Variants in DIP2C observed in about 807,000 individuals in gnomAD.
DIP2C encodes disco-interacting protein 2 homolog C.
Under a neutral mutation model 192.4 loss-of-function variants are expected in DIP2C, and 33 were observed. The ratio of observed to expected loss-of-function variants is 0.17; its 90% confidence interval spans 0.13 to 0.23. The LOEUF (loss-of-function observed/expected upper bound fraction) is 0.23. Ranked by LOEUF, DIP2C falls within the 10% of genes least tolerant of loss-of-function variation. The probability of loss-of-function intolerance (pLI) is 1.00; values close to 1 mark genes in which losing one functional copy is unlikely to be tolerated. For synonymous variants in DIP2C, 979 were observed against 864.1 expected, an observed-to-expected ratio of 1.13 and a Z score of -2.33; for missense variants, 1,537 against 2,110.1, an observed-to-expected ratio of 0.73 and a Z score of 5.32.
chr10:508,028 T>C (rs941508455), intron 1 of DIP2C, among the ~76,000 whole-genome samples: 1 of 152,160 alleles, frequency 6.6e-6, no homozygotes, highest in Admixed American at 6.5e-5. Context: ...GCTCTTCCAG[T>C]GCAGGGTGCT....
chr10:573,511 C>G (rs539999220), intron 1 of DIP2C, among the ~76,000 whole-genome samples: 1 of 152,164 alleles, frequency 6.6e-6, no homozygotes, highest in Non-Finnish European at 1.5e-5. Context: ...CAGGCTCAAG[C>G]GATTCTCTTA....
At chr10:564,937 T>C (rs1260316259) in intron 1 of DIP2C, among the ~76,000 whole-genome samples, 1 of 152,142 alleles carries the variant, frequency 6.6e-6, no homozygotes, top group Non-Finnish European at 1.5e-5. Context: ...TTACAATAAA[T>C]CCAAGCAAAA....
At position 288,414 on chromosome 10, in the gene DIP2C, A is replaced by C; in HGVS notation, c.3994T>G (p.Leu1332Val). The C allele has an allele frequency of 6.2e-7, 1 of 1,614,124 alleles. No homozygotes were observed. Among genetic ancestry groups the C allele is most frequent in the South Asian group, 1.1e-5 (1 of 91,066 alleles). Reference protein sequence around the residue: ...MRALRHDRVRLVERGSPHSLP... With the variant: ...MRALRHDRVRVVERGSPHSLP... ...CTATGAGGGGATCCTCTTTCCACTA[A>C]GCGGACTCTGCAAACAGAAAGAGAA... The change falls in exon 33 of 37, where the codon TTA becomes GTA. Residue 1332 changes from leucine to valine, a missense_variant. Leu to Val is a conservative substitution (Grantham distance 32, BLOSUM62 1). This residue lies in a region of DIP2C where 341 missense variants were observed against 551.7 expected (regional missense o/e 0.62). Coordinates refer to ENST00000280886, the MANE Select transcript of DIP2C (RefSeq NM_014974.3).
chr10:592,279 G>A (rs1851448801), intron 1 of DIP2C, among the ~76,000 whole-genome samples: 1 of 152,210 alleles, frequency 6.6e-6, no homozygotes, highest in African/African-American at 2.4e-5. Context: ...AACAAGGCGT[G>A]ACAGTTTGTG....
chr10:278,397 A>C (rs1954635174), intron 36 of DIP2C, among the ~76,000 whole-genome samples: 1 of 152,194 alleles, frequency 6.6e-6, no homozygotes, highest in South Asian at 2.1e-4. Context: ...TGGAGGCTCC[A>C]GGAGGGCTGG....
chr10:571,522 C>G (rs572441827), intron 1 of DIP2C, among the ~76,000 whole-genome samples: 6 of 151,684 alleles, frequency 4.0e-5, no homozygotes, highest in Admixed American at 3.9e-4. Flanking sequence ...TCTTTCCTTT[C>G]CTCTCCCTCC....
intron 1 of DIP2C, among the ~76,000 whole-genome samples, chr10:602,890 T>C (rs1288146952): frequency 1.3e-5 from 2 of 152,098 alleles, no homozygotes. Context: ...TGTCACCTGC[T>C]CGTCTAAGCT....
Position 618,732 on chromosome 10 carries a change from G to C in DIP2C, c.85+70762C>G, listed in dbSNP as rs1588616967. On this transcript the variant is annotated intron_variant, in intron 1 of 36. Coordinates refer to ENST00000280886, the MANE Select transcript of DIP2C (RefSeq NM_014974.3). The stretch of plus-strand genomic sequence containing the variant: ...TGGGAACAGAGCCTCTGCCAGATCA[G>C]GATAAGTGCTTGGGACAATACCCCG... Among the ~76,000 whole-genome samples the C allele has an allele frequency of 5.9e-5, 9 of 152,342 alleles. No homozygotes were observed. In the South Asian group the frequency reaches 1.7e-3, roughly 28 times the overall value.
At chr10:391,397 C>T (rs1050258799) in intron 10 of DIP2C, among the ~76,000 whole-genome samples, 9 of 152,254 alleles carry the variant, frequency 5.9e-5, no homozygotes, top group Non-Finnish European at 1.3e-4. Context: ...CTGAGCAGCC[C>T]AGTCTCAACG....
intron 1 of DIP2C, among the ~76,000 whole-genome samples, chr10:634,537 C>T (rs1854721070): frequency 1.3e-5 from 2 of 152,112 alleles, no homozygotes; most frequent in South Asian, 4.1e-4. Context: ...CGGCAGGCCA[C>T]CAATTAGTAC....
rs534163537 is a variant in DIP2C, at chr10:493,863, A to G, written c.86-7333T>C. Among the ~76,000 whole-genome samples the G allele has an allele frequency of 2.7e-3, 406 of 152,356 alleles. 1 individual carries two copies. Among genetic ancestry groups the G allele is most frequent in the African/African-American group, 9.1e-3 (380 of 41,586 alleles). ...TCAGCAAGTCCGAGATGCCCAAGGC[A>G]TCTGGCCAAGGGCCAGACTGGTGGC... On this transcript the variant is annotated intron_variant, in intron 1 of 36. Transcript: ENST00000280886.
intron 1 of DIP2C, among the ~76,000 whole-genome samples, chr10:543,721 C>G (rs959781395): frequency 6.6e-6 from 1 of 152,200 alleles, no homozygotes; most frequent in Non-Finnish European, 1.5e-5. Context: ...ATATCAACAC[C>G]AAATAAGTTC....
intron 1 of DIP2C, among the ~76,000 whole-genome samples, chr10:654,634 C>A (rs369583679): frequency 1.3e-5 from 2 of 152,096 alleles, no homozygotes; most frequent in South Asian, 4.2e-4. Context: ...ATCAAATGAT[C>A]CCCAGGAAGT....
chr10:464,629 G>T (rs1471700457), intron 3 of DIP2C, among the ~76,000 whole-genome samples: 1 of 152,142 alleles, frequency 6.6e-6, no homozygotes, highest in Admixed American at 6.5e-5. Context: ...CCATTACTGG[G>T]TATACACCCA....
chr10:668,991 A>T (rs1857283662), intron 1 of DIP2C: 1 of 151,674 alleles, frequency 6.6e-6, no homozygotes, highest in South Asian at 2.1e-4. Context: ...GGCGACACAC[A>T]CTCTCTCATC....
intron 16 of DIP2C, 45 bp from the exon 17 acceptor site, chr10:382,806 A>G (rs1962496396): frequency 2.9e-6 from 4 of 1,373,770 alleles, no homozygotes; most frequent in Non-Finnish European, 4.0e-6. Context: ...AAGCACTGTG[A>G]TTGATTACAA....
Position 329,452 on chromosome 10 carries a change from G to A in DIP2C, c.3734C>T (p.Ser1245Leu), listed in dbSNP as rs997862202. The A allele has an allele frequency of 5.0e-6, 8 of 1,613,688 alleles. No individual in the cohort carries two copies. Among genetic ancestry groups the A allele is most frequent in the African/African-American group, 4.0e-5 (3 of 74,908 alleles). ...VMELCTKGLG[S>L]QTESLKARGL... Reference sequence around the variant, plus strand: ...GCTTACCTTGAGGGACTCTGTTTGCGAGCCCAGCCCCTTGGTGCACAGCTC... The same window carrying A: ...GCTTACCTTGAGGGACTCTGTTTGCAAGCCCAGCCCCTTGGTGCACAGCTC... The change falls in exon 30 of 37, where the codon TCG becomes TTG. Residue 1245 changes from serine (S) to leucine (L), a missense_variant. By Grantham distance (145) the Ser-to-Leu change is moderately radical. Around this residue, in one of 4 missense-constraint regions of DIP2C, gnomAD observed 341 missense variants for 551.7 expected, o/e 0.62. Transcript: ENST00000280886.
chr10:384,767 T>C (rs993680859), intron 14 of DIP2C, 128 bp from the exon 15 acceptor site: 5 of 854,304 alleles, frequency 5.9e-6, no homozygotes, highest in African/African-American at 1.7e-5. Flanking sequence ...GCAGACACCA[T>C]GCACACAGGC....
At chr10:422,115 A>G (rs1045773558) in intron 5 of DIP2C, among the ~76,000 whole-genome samples, 12 of 152,166 alleles carry the variant, frequency 7.9e-5, no homozygotes, top group African/African-American at 2.9e-4. Context: ...GAGCTCCGTT[A>G]TCGGCGACGT....
Sources: allele counts gnomAD v4.1 joint callset (sites outside exome capture counted in the v4.1 genomes callset), GRCh38; gene constraint gnomAD v4.1.1; regional missense constraint gnomAD v4.1.1; transcripts MANE v1.5; gene names NCBI Gene and HGNC (gene_info 2026-07-23, HGNC 2026-07-21).